NAV2: variants seen among roughly 807,000 people sequenced by gnomAD.
NAV2 encodes the protein helicase, APC down-regulated 1.
A neutral mutation model predicts 223.2 loss-of-function variants in NAV2; 54 were observed. The ratio of observed to expected loss-of-function variants is 0.24; its 90% CI spans 0.19 to 0.30. The LOEUF (loss-of-function observed/expected upper bound fraction) is 0.30. Ranked by LOEUF, NAV2 falls within the 10% of genes least tolerant of loss-of-function variation. NAV2 has a pLI of 1.00. For missense variants in NAV2, 2,806 were observed against 3,147.5 expected, an observed-to-expected ratio of 0.89 and a Z score of 2.60; for synonymous variants, 1,279 against 1,239.3, an observed-to-expected ratio of 1.03 and a Z score of -0.67.
At chr11:19,534,765 A>G (rs1055502884) in intron 1 of NAV2, among the ~76,000 whole-genome samples, 19 of 152,314 alleles carry the variant, frequency 1.2e-4, no homozygotes, top group Admixed American at 9.1e-4. Flanking sequence ...CTTGCATTCC[A>G]TGCCAGGAAA....
At chr11:19,835,006 A>C (rs1387231687) in intron 2 of NAV2, among the ~76,000 whole-genome samples, 3 of 152,234 alleles carry the variant, frequency 2.0e-5, no homozygotes, top group Non-Finnish European at 4.4e-5. Context: ...TATCTGTGTC[A>C]GTATGTTGTG....
Position 20,074,102 on chromosome 11 carries a change from A to G in NAV2, c.4984-3450A>G, listed in dbSNP as rs570948714. Among the ~76,000 whole-genome samples the G allele has an allele frequency of 2.2e-3, 334 of 152,266 alleles. 1 individual carries two copies. Among genetic ancestry groups the G allele is most frequent in the African/African-American group, 7.7e-3 (318 of 41,550 alleles). The stretch of plus-strand genomic sequence containing the variant: ...TAAATTTCCCTCTACACACTGCTTT[A>G]AATGTGTCCCAGATATTCTAGTATG... On this transcript the variant is annotated intron_variant, in intron 22 of 37. Coordinates refer to ENST00000349880, the MANE Select transcript of NAV2 (RefSeq NM_145117.5).
At chr11:19,654,496 A>G (rs2048060756) in intron 1 of NAV2, among the ~76,000 whole-genome samples, 1 of 152,192 alleles carries the variant, frequency 6.6e-6, no homozygotes, top group Admixed American at 6.5e-5. Flanking sequence ...AAACTATACT[A>G]CAAGGCTACA....
intron 1 of NAV2, among the ~76,000 whole-genome samples, chr11:19,800,218 G>A (rs968394064): frequency 2.0e-5 from 3 of 152,126 alleles, no homozygotes; most frequent in Non-Finnish European, 4.4e-5. Context: ...TGCTGTCCTC[G>A]CTGGCAGTTC....
At chr11:19,633,793 A>G (rs888292800) in intron 1 of NAV2, among the ~76,000 whole-genome samples, 2 of 152,216 alleles carry the variant, frequency 1.3e-5, no homozygotes, top group African/African-American at 4.8e-5. Context: ...CATAAAGTGC[A>G]CTGGGAGGAC....
At chr11:19,914,252 A>G (rs1329643123) in intron 6 of NAV2, among the ~76,000 whole-genome samples, 2 of 152,148 alleles carry the variant, frequency 1.3e-5, no homozygotes, top group Non-Finnish European at 2.9e-5. Context: ...TCTTTTTGGA[A>G]GTGTTTCCTT....
rs2057219093 is a variant in NAV2, at chr11:20,044,183, G to T, written c.3110G>T (p.Trp1037Leu). 6.2e-7 allele frequency: 1 copy of T among 1,614,094 alleles called. No individual in the cohort carries two copies. The highest frequency in any genetic ancestry group is 8.5e-7 in the Non-Finnish European group (1 of 1,180,036). ...CCTGTCATCTCCCAGACAGGCTCAT[G>T]GCGGCGAGGCATGACAGCTCAGGTG... The part of the protein sequence containing the change: ...KNPVISQTGS[W>L]RRGMTAQVGI... Residue 1037 changes from tryptophan (W) to leucine (L), a missense_variant, in exon 13 of 38, where the codon TGG becomes TTG. Transcript: ENST00000349880.
At chr11:20,088,575 A>G (rs1384088518) in intron 26 of NAV2, among the ~76,000 whole-genome samples, 1 of 152,232 alleles carries the variant, frequency 6.6e-6, no homozygotes, top group Non-Finnish European at 1.5e-5. Context: ...GGAGGAGCAT[A>G]GGGAGGACAA....
Position 19,844,822 on chromosome 11 carries a change from G to T in NAV2, c.438+1899G>T, listed in dbSNP as rs1214428876. Reference sequence around the variant, plus strand: ...TTGTTTTTGTGTGTGTGAACTGTGTGTTTTTTTTTTTTTTTAGAACACAAG... The same window carrying T: ...TTGTTTTTGTGTGTGTGAACTGTGTTTTTTTTTTTTTTTTTAGAACACAAG... On this transcript the variant is annotated intron_variant, in intron 3 of 37. Coordinates refer to ENST00000349880, the MANE Select transcript of NAV2 (RefSeq NM_145117.5). 1.1e-3 allele frequency among the ~76,000 whole-genome samples: 145 copies of T among 133,138 alleles called. 1 individual carries two copies. In the South Asian group the frequency reaches 0.016, roughly 15 times the overall value. 87.3% of individuals were successfully genotyped at this position (133,138 alleles called of 152,430 possible).
chr11:19,426,175 G>A (rs1197750682), intron 1 of NAV2, among the ~76,000 whole-genome samples: 1 of 152,144 alleles, frequency 6.6e-6, no homozygotes, highest in East Asian at 1.9e-4. Context: ...ACAGCTTCCT[G>A]CCTGGCCTCT....
chr11:19,865,543 C>T (rs886869152), intron 3 of NAV2, among the ~76,000 whole-genome samples: 6 of 152,126 alleles, frequency 3.9e-5, no homozygotes, highest in African/African-American at 7.2e-5. Flanking sequence ...GCGTGGGTCT[C>T]GGCCGCCTTG....
chr11:19,451,028 AAATC>A (rs1851771298), intron 1 of NAV2, among the ~76,000 whole-genome samples: 1 of 152,110 alleles, frequency 6.6e-6, no homozygotes, highest in African/African-American at 2.4e-5. Flanking sequence ...GCCACTTAGT[AAATC>A]ACCACCCAGT....
intron 1 of NAV2, among the ~76,000 whole-genome samples, chr11:19,393,631 A>G (rs1386168086): frequency 1.3e-5 from 2 of 152,256 alleles, no homozygotes; most frequent in African/African-American, 4.8e-5. Context: ...AAATCGTATC[A>G]GCTGTCAAAT....
chr11:20,088,679 C>T (rs1320058567), intron 26 of NAV2, among the ~76,000 whole-genome samples: 1 of 152,188 alleles, frequency 6.6e-6, no homozygotes, highest in African/African-American at 2.4e-5. Context: ...CCATGTGATA[C>T]GTTCCACAAC....
intron 13 of NAV2, 117 bp downstream of exon 13, chr11:20,044,389 C>A: frequency 1.0e-6 from 1 of 956,468 alleles, no homozygotes. Context: ...ACTCTGCTAA[C>A]AACGAGCTTC....
intron 1 of NAV2, among the ~76,000 whole-genome samples, chr11:19,393,218 G>A (rs1295002128): frequency 6.6e-6 from 1 of 152,150 alleles, no homozygotes; most frequent in African/African-American, 2.4e-5. Context: ...GCTTTGCACT[G>A]CCCATCCTGC....
At chr11:20,072,862 A>G (rs546470858) in intron 22 of NAV2, among the ~76,000 whole-genome samples, 1 of 152,326 alleles carries the variant, frequency 6.6e-6, no homozygotes, top group African/African-American at 2.4e-5. Flanking sequence ...TTCTAAACAT[A>G]CAATCATGTT....
At chr11:19,581,766 C>T (rs374961151) in intron 1 of NAV2, among the ~76,000 whole-genome samples, 7 of 152,116 alleles carry the variant, frequency 4.6e-5, no homozygotes, top group Non-Finnish European at 7.4e-5. Flanking sequence ...AGTCTATCAT[C>T]GTTGGACATT....
intron 1 of NAV2, among the ~76,000 whole-genome samples, chr11:19,587,178 A>T (rs1565076568): frequency 1.3e-5 from 2 of 152,206 alleles, no homozygotes; most frequent in Admixed American, 6.5e-5. Flanking sequence ...CCTCCGAGCC[A>T]GGTGCAGGAT....
Sources: allele counts gnomAD v4.1 joint callset (sites outside exome capture counted in the v4.1 genomes callset), GRCh38; gene constraint gnomAD v4.1.1; transcripts MANE v1.5; gene names NCBI Gene and HGNC (gene_info 2026-07-23, HGNC 2026-07-21).